KLHL29: variants seen among roughly 807,000 people sequenced by gnomAD.
KLHL29 encodes kelch like family member 29.
In KLHL29, 21 loss-of-function variants were observed where a neutral mutation model predicts 80.4. The observed-to-expected ratio is 0.26, with a 90% CI of 0.19 to 0.38. The LOEUF is 0.38. Among genes scored for constraint, KLHL29 ranks in the 10% least tolerant of loss-of-function variants. The pLI, the probability that KLHL29 is intolerant of heterozygous loss-of-function variation, is 1.00. For missense variants in KLHL29, 867 were observed against 1,223.9 expected, an observed-to-expected ratio of 0.71 and a Z score of 4.35; for synonymous variants, 511 against 526.8, an observed-to-expected ratio of 0.97 and a Z score of 0.41.
intron 3 of KLHL29, among the ~76,000 whole-genome samples, chr2:23,605,107 C>CTTTTTTTTTTTTT (rs386389703): frequency 5.4e-5 from 5 of 92,470 alleles, no homozygotes; most frequent in African/African-American, 1.3e-4. Context: ...TCCTTTGTTG[C>CTTTTTTTTTTTTT]TTTTTTTTTT....
intron 5 of KLHL29, among the ~76,000 whole-genome samples, chr2:23,655,414 C>T (rs1670218098): frequency 6.6e-6 from 1 of 152,164 alleles, no homozygotes; most frequent in Non-Finnish European, 1.5e-5. Flanking sequence ...TACCACACAG[C>T]AGTACATCCA....
intron 1 of KLHL29, among the ~76,000 whole-genome samples, chr2:23,433,134 G>T (rs1663232297): frequency 6.6e-6 from 1 of 152,234 alleles, no homozygotes; most frequent in Non-Finnish European, 1.5e-5. Context: ...GCACCCTTGG[G>T]TCAGCGAGCG....
Position 23,396,966 on chromosome 2 carries a change from C to T in KLHL29, c.-154+11186C>T, listed in dbSNP as rs371026344. Among the ~76,000 whole-genome samples, 23 of 152,216 alleles carry T rather than the reference C, an allele frequency of 1.5e-4. No homozygotes were observed. The South Asian group carries it at 4.8e-3, about 32-fold the overall frequency. ...TCGCTTTTTTTTCTCTGTATAAGGT[C>T]ACCACCTCACTTGTGACCTTGAGGG... On this transcript the variant is annotated intron_variant, in intron 1 of 13. Transcript: ENST00000486442.
At chr2:23,691,182 G>A (rs1424337733) in intron 6 of KLHL29, 1 of 161,488 alleles carries the variant, frequency 6.2e-6, no homozygotes, top group African/African-American at 2.4e-5. Flanking sequence ...GGGGCAACTT[G>A]GGGCCCTCGG....
intron 2 of KLHL29, among the ~76,000 whole-genome samples, chr2:23,529,986 G>A (rs193113865): frequency 1.1e-4 from 16 of 151,564 alleles, no homozygotes; most frequent in African/African-American, 3.7e-4. Flanking sequence ...CATCAGGACC[G>A]GCTCAGCTGC....
intron 5 of KLHL29, among the ~76,000 whole-genome samples, chr2:23,663,796 C>T (rs1670484359): frequency 6.6e-6 from 1 of 152,230 alleles, no homozygotes; most frequent in Non-Finnish European, 1.5e-5. Flanking sequence ...TTAAATTCTT[C>T]AGTGTGCTGG....
chr2:23,460,012 C>T (rs1367475333), intron 1 of KLHL29, among the ~76,000 whole-genome samples: 1 of 152,122 alleles, frequency 6.6e-6, no homozygotes, highest in Non-Finnish European at 1.5e-5. Flanking sequence ...ATCCTGGAGT[C>T]AAAATTTTAC....
chr2:23,568,235 T>C (rs1351100158), intron 3 of KLHL29, among the ~76,000 whole-genome samples: 1 of 152,122 alleles, frequency 6.6e-6, no homozygotes, highest in African/African-American at 2.4e-5. Context: ...AATAAAGATA[T>C]CAGAAGACTT....
chr2:23,540,531 A>C (rs967444408), intron 2 of KLHL29, among the ~76,000 whole-genome samples: 2 of 152,190 alleles, frequency 1.3e-5, no homozygotes, highest in Non-Finnish European at 2.9e-5. Context: ...TCACATAGAC[A>C]CATCCTTACA....
intron 2 of KLHL29, chr2:23,506,952 GAGA>G (rs1665615966): frequency 9.6e-6 from 2 of 207,656 alleles, no homozygotes; most frequent in South Asian, 1.1e-4. Flanking sequence ...TTGGGAAAGG[GAGA>G]AGAATGCTGA....
intron 3 of KLHL29, among the ~76,000 whole-genome samples, chr2:23,620,334 T>C (rs1669139531): frequency 6.6e-6 from 1 of 151,928 alleles, no homozygotes; most frequent in Non-Finnish European, 1.5e-5. Flanking sequence ...TATTTACATT[T>C]TAGAAAAAGA....
Position 23,385,718 on chromosome 2 carries a change from T to G in KLHL29, c.-216T>G, listed in dbSNP as rs1178856970. The G allele has an allele frequency of 1.2e-5, 2 of 163,134 alleles. No individual in the cohort carries two copies. The allele number at this position is 163,134 out of a possible 1,614,324, so 10.1% of individuals were successfully genotyped here. On this transcript the variant is annotated 5_prime_UTR_variant, in exon 1 of 14. Coordinates refer to ENST00000486442, the MANE Select transcript of KLHL29 (RefSeq NM_052920.2). ...GCTGTCCGCTCTCCATCAGCCCTCCTGCGCCCACCCGCGACCCCGGGCTCT... is the reference window on the plus strand; with the variant it reads ...GCTGTCCGCTCTCCATCAGCCCTCCGGCGCCCACCCGCGACCCCGGGCTCT...
intron 3 of KLHL29, among the ~76,000 whole-genome samples, chr2:23,633,416 G>A (rs1366578476): frequency 6.6e-6 from 1 of 152,112 alleles, no homozygotes; most frequent in Non-Finnish European, 1.5e-5. Flanking sequence ...AGGCACAAAT[G>A]ACTTTGCCCT....
At chr2:23,649,372 C>T (rs1485701710) in intron 5 of KLHL29, among the ~76,000 whole-genome samples, 3 of 152,226 alleles carry the variant, frequency 2.0e-5, no homozygotes, top group African/African-American at 4.8e-5. Context: ...CTCCTCCCCT[C>T]GCAGGGCTCT....
At chr2:23,430,483 C>T (rs1663139499) in intron 1 of KLHL29, among the ~76,000 whole-genome samples, 1 of 152,170 alleles carries the variant, frequency 6.6e-6, no homozygotes, top group East Asian at 1.9e-4. Context: ...CACAAACCTG[C>T]CTTAGCTCAG....
At position 23,562,517 on chromosome 2, in the gene KLHL29, C is replaced by G. The variant is rs1252626687; in HGVS notation, c.285+36C>G. ...GTGTCATCTCTGAGCAGGAGCCGGACAGAGGGGCCCTGCCTCCCTGCAGGC... is the reference window on the plus strand; with the variant it reads ...GTGTCATCTCTGAGCAGGAGCCGGAGAGAGGGGCCCTGCCTCCCTGCAGGC... On this transcript the variant is annotated intron_variant, in intron 3 of 13. Transcript: ENST00000486442. This position sits in a 1 kb window ranked among gnomAD's most constrained non-coding sequence, Gnocchi z 4.5. 1.3e-6 allele frequency: 2 copies of G among 1,529,994 alleles called. No homozygotes were observed. Among genetic ancestry groups the G allele is most frequent in the East Asian group, 2.4e-5 (1 of 40,824 alleles). The allele number at this position is 1,529,994 out of a possible 1,614,324, so 94.8% of individuals were successfully genotyped here.
intron 5 of KLHL29, among the ~76,000 whole-genome samples, chr2:23,645,934 A>G (rs908068887): frequency 1.3e-5 from 2 of 152,238 alleles, no homozygotes; most frequent in Admixed American, 1.3e-4. Flanking sequence ...TGTGCCATTC[A>G]CTTTAATGAG....
chr2:23,423,254 G>A (rs1310383056), intron 1 of KLHL29, among the ~76,000 whole-genome samples: 1 of 152,222 alleles, frequency 6.6e-6, no homozygotes, highest in Non-Finnish European at 1.5e-5. Context: ...GCCGGGCTCT[G>A]CAGGGCAATT....
chr2:23,466,915 G>T (rs1348870226), intron 1 of KLHL29, among the ~76,000 whole-genome samples: 1 of 152,186 alleles, frequency 6.6e-6, no homozygotes, highest in South Asian at 2.1e-4. Flanking sequence ...AAGCTCTTTA[G>T]TGACAGTTAC....
Sources: gnomAD v4.1 joint callset for allele counts (sites outside exome capture counted in the v4.1 genomes callset) on GRCh38, gnomAD v4.1.1 for gene constraint, Gnocchi (gnomAD v3.1) non-coding constraint, MANE v1.5 for transcripts, NCBI Gene and HGNC (gene_info 2026-07-23, HGNC 2026-07-21) for gene names.